The following MEGF11 variants were observed in gnomAD, a reference collection of about 807,000 sequenced individuals.
MEGF11 encodes multiple EGF like domains 11.
In MEGF11, 126 loss-of-function variants were observed where a neutral mutation model predicts 146.6. The ratio of observed to expected loss-of-function variants is 0.86; its 90% confidence interval spans 0.74 to 1.00. MEGF11 has a LOEUF of 1.00. MEGF11 is among the 50% of genes least tolerant of loss of function. The pLI, the probability that MEGF11 is intolerant of heterozygous loss-of-function variation, is 0.00. For missense variants in MEGF11, 1,509 were observed against 1,521.2 expected (o/e 0.99, Z 0.13); for synonymous variants, 532 against 583.4 (o/e 0.91, Z 1.27).
intron 5 of MEGF11, among the ~76,000 whole-genome samples, chr15:66,001,538 G>A (rs1221918930): frequency 1.3e-5 from 2 of 151,954 alleles, no homozygotes; most frequent in African/African-American, 4.8e-5. Flanking sequence ...AGGACAGGAG[G>A]CTGAGAAGCA....
intron 5 of MEGF11, among the ~76,000 whole-genome samples, chr15:66,077,871 G>A (rs949300828): frequency 6.6e-6 from 1 of 152,190 alleles, no homozygotes; most frequent in African/African-American, 2.4e-5. Flanking sequence ...GGCAAGGGTG[G>A]GAATGATGGG....
chr15:65,922,633 T>C (rs113472580), intron 14 of MEGF11, among the ~76,000 whole-genome samples, 161 bp from the exon 15 acceptor site: 1 of 152,168 alleles, frequency 6.6e-6, no homozygotes, highest in Non-Finnish European at 1.5e-5. Flanking sequence ...GGTGTGGCCC[T>C]GTTTCCATTG....
intron 5 of MEGF11, among the ~76,000 whole-genome samples, chr15:66,091,177 G>C (rs1053286796): frequency 2.6e-5 from 4 of 152,194 alleles, no homozygotes; most frequent in Non-Finnish European, 5.9e-5. Context: ...GAGGGACCAA[G>C]ATACTTGTCT....
chr15:65,964,112 A>G (rs1470266324), intron 9 of MEGF11, among the ~76,000 whole-genome samples: 1 of 152,192 alleles, frequency 6.6e-6, no homozygotes, highest in Non-Finnish European at 1.5e-5. Flanking sequence ...GCGTTCATCC[A>G]GGGCTGACAG....
chr15:66,168,423 AT>A (rs2090157650), intron 1 of MEGF11, among the ~76,000 whole-genome samples: 1 of 152,064 alleles, frequency 6.6e-6, no homozygotes, highest in South Asian at 2.1e-4. Context: ...TGGTTGTGAG[AT>A]CAGTGATGAT....
At chr15:65,972,227 A>G (rs2081319751) in intron 7 of MEGF11, among the ~76,000 whole-genome samples, 1 of 152,210 alleles carries the variant, frequency 6.6e-6, no homozygotes, top group Admixed American at 6.5e-5. Context: ...CAGAGAAAAT[A>G]GAGGTGAGTA....
At chr15:65,996,833 C>G (rs2082215429) in intron 5 of MEGF11, among the ~76,000 whole-genome samples, 2 of 152,210 alleles carry the variant, frequency 1.3e-5, no homozygotes, top group South Asian at 4.1e-4. Flanking sequence ...CAAACACTGG[C>G]ATTCCCACTG....
rs1268350138 is a variant in MEGF11, at chr15:65,898,848, TG to T, written c.3141del (p.Ile1048SerfsTer12). ...CTTTCTGGAAGCTTGCAGGTGAGGA[TG>T]GGTGGGTCCTTAATTGTGGCGTAAG... ...ENPYATIKDP[P>X]ILTCKLPESS... On this transcript the variant is annotated frameshift_variant, in exon 25 of 26. Coordinates refer to ENST00000395614, the MANE Select transcript of MEGF11 (RefSeq NM_001385028.1). LOFTEE classifies it high-confidence loss of function. The T allele has an allele frequency of 6.2e-7, 1 of 1,614,000 alleles. No homozygotes were observed. Among genetic ancestry groups the T allele is most frequent in the East Asian group, 2.2e-5 (1 of 44,890 alleles).
intron 8 of MEGF11, 131 bp from the exon 9 acceptor site, chr15:65,965,251 TC>T: frequency 1.5e-6 from 1 of 649,396 alleles, no homozygotes; most frequent in Non-Finnish European, 2.6e-6. Context: ...CACAGCCTCC[TC>T]CCCTTTTCTC....
At chr15:66,252,988 A>G (rs369877815) in intron 1 of MEGF11, among the ~76,000 whole-genome samples, 1 of 152,216 alleles carries the variant, frequency 6.6e-6, no homozygotes. Context: ...CCCGGAATAG[A>G]GTAACGGCTA....
At chr15:66,071,324 G>T (rs1464231102) in intron 5 of MEGF11, among the ~76,000 whole-genome samples, 3 of 152,150 alleles carry the variant, frequency 2.0e-5, no homozygotes, top group Non-Finnish European at 4.4e-5. Flanking sequence ...AGTCTCCACC[G>T]TGGGGTGCCG....
intron 5 of MEGF11, among the ~76,000 whole-genome samples, chr15:66,049,980 T>C (rs777480552): frequency 2.0e-5 from 3 of 152,268 alleles, no homozygotes; most frequent in Non-Finnish European, 2.9e-5. Flanking sequence ...GGCTGGGCAC[T>C]ATTCTAGGTA....
chr15:65,899,271 G>C (rs1288766810), intron 24 of MEGF11, among the ~76,000 whole-genome samples: 1 of 152,168 alleles, frequency 6.6e-6, no homozygotes, highest in Admixed American at 6.5e-5. Context: ...ATGAGATCAA[G>C]GCTCAGAGAT....
At chr15:66,144,406 C>T (rs1398416135) in intron 1 of MEGF11, among the ~76,000 whole-genome samples, 1 of 152,192 alleles carries the variant, frequency 6.6e-6, no homozygotes, top group Admixed American at 6.5e-5. Context: ...TCCCACCCCA[C>T]AGCACAGGTA....
intron 1 of MEGF11, among the ~76,000 whole-genome samples, chr15:66,205,480 A>G (rs1185406089): frequency 2.0e-5 from 3 of 152,164 alleles, no homozygotes; most frequent in African/African-American, 7.2e-5. Context: ...AACTCCAGCC[A>G]AACACCAACT....
chr15:66,195,179 G>A (rs1451745811), intron 1 of MEGF11, among the ~76,000 whole-genome samples: 2 of 152,138 alleles, frequency 1.3e-5, no homozygotes, highest in Non-Finnish European at 2.9e-5. Context: ...TCATGATGAT[G>A]CCAGTCATAT....
chr15:66,251,386 T>A (rs1356141972), intron 1 of MEGF11, among the ~76,000 whole-genome samples: 1 of 152,168 alleles, frequency 6.6e-6, no homozygotes, highest in Non-Finnish European at 1.5e-5. Context: ...TGCACTCACT[T>A]CCTTGACTAC....
At chr15:66,086,308 G>C (rs2086106565) in intron 5 of MEGF11, among the ~76,000 whole-genome samples, 1 of 152,180 alleles carries the variant, frequency 6.6e-6, no homozygotes, top group Non-Finnish European at 1.5e-5. Context: ...GAAGCACAAA[G>C]AACACCTGGG....
intron 1 of MEGF11, among the ~76,000 whole-genome samples, chr15:66,153,441 T>C (rs7176258): frequency 0.24 from 36,447 of 151,976 alleles, 5,259 homozygotes; most frequent in East Asian, 0.66. Flanking sequence ...GGCATGGTGG[T>C]GGGCACCTAT....
Sources: allele counts gnomAD v4.1 joint callset (sites outside exome capture counted in the v4.1 genomes callset), GRCh38; gene constraint gnomAD v4.1.1; transcripts MANE v1.5; gene names NCBI Gene and HGNC (gene_info 2026-07-23, HGNC 2026-07-21).